ADAMTSL1: variants seen among roughly 807,000 people sequenced by gnomAD.
ADAMTSL1 encodes the protein ADAMTS like 1.
A neutral mutation model predicts 201.8 loss-of-function variants in ADAMTSL1; 126 were observed. That is an observed-to-expected ratio of 0.62 (90% CI 0.54 to 0.72). ADAMTSL1 has a LOEUF of 0.72. ADAMTSL1 is among the 30% of genes least tolerant of loss of function. The pLI, the probability that ADAMTSL1 is intolerant of heterozygous loss-of-function variation, is 0.00. For missense variants in ADAMTSL1, 2,679 were observed against 2,277.8 expected (o/e 1.18, Z -3.59); for synonymous variants, 1,121 against 903.4 (o/e 1.24, Z -4.32).
chr9:18,864,170 T>G (rs931427549), intron 23 of ADAMTSL1, among the ~76,000 whole-genome samples: 7 of 152,230 alleles, frequency 4.6e-5, no homozygotes, highest in African/African-American at 9.6e-5. Flanking sequence ...TTGTATATTC[T>G]TATTTTCAGA....
At chr9:17,930,969 G>A (rs935403522) in intron 1 of ADAMTSL1, among the ~76,000 whole-genome samples, 2 of 152,098 alleles carry the variant, frequency 1.3e-5, no homozygotes, top group African/African-American at 4.8e-5. Context: ...ATAAAATGGG[G>A]CCTTTCAACC....
chr9:18,294,017 C>A (rs1465108420), intron 2 of ADAMTSL1, among the ~76,000 whole-genome samples: 1 of 152,138 alleles, frequency 6.6e-6, no homozygotes, highest in Non-Finnish European at 1.5e-5. Context: ...GACTCAGAAC[C>A]ATGAATCTAA....
intron 16 of ADAMTSL1, among the ~76,000 whole-genome samples, chr9:18,762,479 A>G (rs1006210367): frequency 5.3e-5 from 8 of 152,344 alleles, no homozygotes; most frequent in South Asian, 4.1e-4. Context: ...CATCCCTTCA[A>G]ACACTTATCC....
chr9:17,918,950 G>T (rs1321652787), intron 1 of ADAMTSL1, among the ~76,000 whole-genome samples: 1 of 151,782 alleles, frequency 6.6e-6, no homozygotes, highest in Non-Finnish European at 1.5e-5. Context: ...GTAATGGTCT[G>T]TGCTCTAAAA....
intron 1 of ADAMTSL1, among the ~76,000 whole-genome samples, chr9:17,999,629 G>C (rs558224383): frequency 1.3e-5 from 2 of 149,568 alleles, no homozygotes; most frequent in Non-Finnish European, 3.0e-5. Flanking sequence ...TATACTTTAA[G>C]TTTTAGGGTA....
intron 2 of ADAMTSL1, among the ~76,000 whole-genome samples, chr9:18,187,387 C>G (rs1828784658): frequency 6.6e-6 from 1 of 152,100 alleles, no homozygotes; most frequent in Non-Finnish European, 1.5e-5. Context: ...GTAAACCTGA[C>G]CTGTCCATAG....
intron 1 of ADAMTSL1, among the ~76,000 whole-genome samples, chr9:18,041,456 T>C (rs138973777): frequency 1.7e-4 from 26 of 152,304 alleles, no homozygotes; most frequent in Middle Eastern, 6.8e-3. Context: ...AGGTAAAAGT[T>C]TGGAAATGTT....
rs1046393142 is a variant in ADAMTSL1, at chr9:18,777,013, C to A, written c.2784C>A (p.Pro928=). 1 of 1,605,934 alleles carries A rather than the reference C, an allele frequency of 6.2e-7. No individual in the cohort carries two copies. Among genetic ancestry groups the A allele is most frequent in the East Asian group, 2.2e-5 (1 of 44,670 alleles). The part of the protein sequence containing the change: ...LISSTHVTVA[P]FGYLKIHRLK... ...GCTCGACGCACGTCACGGTGGCCCCCTTCGGCTATCTCAAGATCCACCGCC... is the reference window on the plus strand; with the variant it reads ...GCTCGACGCACGTCACGGTGGCCCCATTCGGCTATCTCAAGATCCACCGCC... The change falls in exon 19 of 29, where the codon CCC becomes CCA. Residue 928 remains proline (P), a synonymous_variant. Coordinates refer to ENST00000380548, the MANE Select transcript of ADAMTSL1 (RefSeq NM_001040272.6).
intron 5 of ADAMTSL1, among the ~76,000 whole-genome samples, chr9:18,635,564 C>A (rs1827058846): frequency 6.6e-6 from 1 of 152,082 alleles, no homozygotes; most frequent in Admixed American, 6.6e-5. Flanking sequence ...GAGAGAAGTC[C>A]AGATTTTGAT....
chr9:18,468,168 T>C (rs1821077078), intron 2 of ADAMTSL1, among the ~76,000 whole-genome samples: 1 of 152,180 alleles, frequency 6.6e-6, no homozygotes, highest in Non-Finnish European at 1.5e-5. Context: ...TCAGTAAGTG[T>C]TTGTTGAATC....
chr9:18,204,686 C>G (rs964738420), intron 2 of ADAMTSL1, among the ~76,000 whole-genome samples: 2 of 151,994 alleles, frequency 1.3e-5, no homozygotes, highest in African/African-American at 4.8e-5. Flanking sequence ...TTGCCAGCAG[C>G]CTTATAGTGT....
At chr9:18,385,178 C>T (rs1726404747) in intron 2 of ADAMTSL1, among the ~76,000 whole-genome samples, 1 of 152,110 alleles carries the variant, frequency 6.6e-6, no homozygotes, top group Admixed American at 6.6e-5. Flanking sequence ...TTCTCTTTTA[C>T]CCAACATAGA....
At chr9:18,738,790 A>G (rs1588019782) in intron 15 of ADAMTSL1, among the ~76,000 whole-genome samples, 1 of 152,350 alleles carries the variant, frequency 6.6e-6, no homozygotes, top group Middle Eastern at 3.4e-3. Context: ...TAACTTGGGT[A>G]TAGCAATAGC....
chr9:18,564,730 G>T (rs1334847339), intron 3 of ADAMTSL1, among the ~76,000 whole-genome samples: 3 of 152,154 alleles, frequency 2.0e-5, no homozygotes, highest in African/African-American at 7.2e-5. Flanking sequence ...AAGGAGGTGG[G>T]AGAGAACACT....
intron 2 of ADAMTSL1, among the ~76,000 whole-genome samples, chr9:18,316,967 G>A (rs908511680): frequency 6.6e-6 from 1 of 152,126 alleles, no homozygotes; most frequent in African/African-American, 2.4e-5. Flanking sequence ...GCCAAGATAT[G>A]GAAATGACCT....
chr9:18,058,118 T>C (rs935054466), intron 1 of ADAMTSL1, among the ~76,000 whole-genome samples: 1 of 152,198 alleles, frequency 6.6e-6, no homozygotes, highest in Non-Finnish European at 1.5e-5. Context: ...GATGGAAGAA[T>C]GAATGGTTGA....
chr9:17,991,021 C>T (rs901491239), intron 1 of ADAMTSL1, among the ~76,000 whole-genome samples: 1 of 151,962 alleles, frequency 6.6e-6, no homozygotes, highest in African/African-American at 2.4e-5. Flanking sequence ...ATTCCAAACA[C>T]GTAGCTTCAT....
At chr9:18,430,183 G>A (rs553732257) in intron 2 of ADAMTSL1, among the ~76,000 whole-genome samples, 75 of 152,278 alleles carry the variant, frequency 4.9e-4, no homozygotes, top group African/African-American at 1.8e-3. Context: ...TGATTCAGAA[G>A]GTCCAGAGTT....
At chr9:18,837,226 G>A (rs1261040588) in intron 23 of ADAMTSL1, among the ~76,000 whole-genome samples, 8 of 152,070 alleles carry the variant, frequency 5.3e-5, no homozygotes, top group Non-Finnish European at 8.8e-5. Context: ...TCTTCTAGAA[G>A]TTTCATAATT....
Sources: allele counts gnomAD v4.1 joint callset (sites outside exome capture counted in the v4.1 genomes callset), GRCh38; gene constraint gnomAD v4.1.1; transcripts MANE v1.5; gene names NCBI Gene and HGNC (gene_info 2026-07-23, HGNC 2026-07-21).